The following GUCY1B1 variants were observed in gnomAD, a reference collection of about 807,000 sequenced individuals.
GUCY1B1 encodes the protein guanylate cyclase soluble subunit beta-1.
A neutral mutation model predicts 71.0 loss-of-function variants in GUCY1B1; 43 were observed. The ratio of observed to expected loss-of-function variants is 0.61; its 90% CI spans 0.47 to 0.78. The LOEUF (loss-of-function observed/expected upper bound fraction) is 0.78. Among genes scored for constraint, GUCY1B1 ranks in the 30% least tolerant of loss-of-function variants. GUCY1B1 has a pLI of 0.00. For synonymous variants in GUCY1B1, 266 were observed against 259.7 expected, an observed-to-expected ratio of 1.02 and a Z score of -0.23; for missense variants, 535 against 754.1, an observed-to-expected ratio of 0.71 and a Z score of 3.40.
intron 4 of GUCY1B1, among the ~76,000 whole-genome samples, chr4:155,786,641 T>A (rs535537580): frequency 6.6e-6 from 1 of 150,842 alleles, no homozygotes; most frequent in African/African-American, 2.4e-5. Flanking sequence ...TGCTAATTTC[T>A]TTTTTTTTCT....
chr4:155,789,711 C>G lies in GUCY1B1; in HGVS notation c.298-3C>G. The G allele has an allele frequency of 1.9e-6, 3 of 1,561,998 alleles. No individual in the cohort carries two copies. Among genetic ancestry groups the G allele is most frequent in the Non-Finnish European group, 2.6e-6 (3 of 1,144,434 alleles). The stretch of plus-strand genomic sequence containing the variant: ...ATTGGTCTCCCTTTCTTCTTTGCTG[C>G]AGAACCTTGATGCTCTGCACGACCA... On this transcript the variant is annotated splice_polypyrimidine_tract_variant and splice_region_variant and intron_variant, in intron 4 of 13. Coordinates refer to ENST00000264424, the MANE Select transcript of GUCY1B1 (RefSeq NM_000857.5).
intron 4 of GUCY1B1, among the ~76,000 whole-genome samples, chr4:155,780,770 A>T (rs1177781870): frequency 6.6e-6 from 1 of 152,174 alleles, no homozygotes; most frequent in African/African-American, 2.4e-5. Flanking sequence ...TCATAGATTG[A>T]AATATAAAAG....
intron 4 of GUCY1B1, among the ~76,000 whole-genome samples, chr4:155,779,759 A>G (rs1738289148): frequency 2.0e-5 from 3 of 152,238 alleles, no homozygotes; most frequent in African/African-American, 4.8e-5. Flanking sequence ...AAACAAAATC[A>G]TTAACTTTCA....
chr4:155,804,235 G>T (rs1310067453), intron 11 of GUCY1B1, among the ~76,000 whole-genome samples: 1 of 152,074 alleles, frequency 6.6e-6, no homozygotes, highest in Non-Finnish European at 1.5e-5. Context: ...GTAATATAAA[G>T]TAAGCAAAAA....
In GUCY1B1 at chr4:155,759,843, G is replaced by A; in HGVS notation, c.60G>A (p.Glu20=). Residue 20 remains glutamate (E), a synonymous_variant, in exon 2 of 14, where the codon GAG becomes GAA. Coordinates refer to ENST00000264424, the MANE Select transcript of GUCY1B1 (RefSeq NM_000857.5). ...TGGTGATCCGCAATTACGGCCCCGA[G>A]GTGTGGGAAGACATCAAGTAAGTGG... The part of the protein sequence containing the change: ...ELLVIRNYGP[E]VWEDIKKEAQ... 6.2e-7 allele frequency: 1 copy of A among 1,612,718 alleles called. No individual in the cohort carries two copies. Among genetic ancestry groups the A allele is most frequent in the Non-Finnish European group, 8.5e-7 (1 of 1,179,122 alleles).
intron 2 of GUCY1B1, among the ~76,000 whole-genome samples, chr4:155,772,270 T>C (rs1561005464): frequency 6.6e-6 from 1 of 152,216 alleles, no homozygotes; most frequent in Non-Finnish European, 1.5e-5. Flanking sequence ...TGAGTAGACA[T>C]GGGGAGTGCT....
chr4:155,800,788 G>A lies in GUCY1B1; in HGVS notation c.1175+714G>A, dbSNP rs962669351. Among the ~76,000 whole-genome samples the A allele has an allele frequency of 3.9e-5, 6 of 152,062 alleles. No homozygotes were observed. The South Asian group carries it at 8.3e-4, about 21-fold the overall frequency. On this transcript the variant is annotated intron_variant, in intron 9 of 13. Transcript: ENST00000264424. ...AAACGCACATCACTGACATTTATAA[G>A]CTATTTTACCCAGGTTCTTATGTGT...
At chr4:155,788,629 A>T (rs554194930) in intron 4 of GUCY1B1, among the ~76,000 whole-genome samples, 9 of 152,226 alleles carry the variant, frequency 5.9e-5, no homozygotes, top group Non-Finnish European at 1.0e-4. Flanking sequence ...TTTCAGAGAC[A>T]GTTGTTTTTT....
intron 1 of GUCY1B1, chr4:155,759,449 A>G (rs1268258283): frequency 1.7e-5 from 9 of 520,892 alleles, no homozygotes; most frequent in Middle Eastern, 4.9e-4. Context: ...CGGCCCCACC[A>G]GTGTGGGAGG....
chr4:155,795,404 A>C lies in GUCY1B1; in HGVS notation c.790A>C (p.Ser264Arg). 6.2e-7 allele frequency: 1 copy of C among 1,608,810 alleles called. No homozygotes were observed. Among genetic ancestry groups the C allele is most frequent in the Non-Finnish European group, 8.5e-7 (1 of 1,175,546 alleles). Reference sequence around the variant, plus strand: ...GCTGGTTCGTCCTCATATTGATATTAGTTTCCATGGGATCCTTTCTCACAT... The same window carrying C: ...GCTGGTTCGTCCTCATATTGATATTCGTTTCCATGGGATCCTTTCTCACAT... ...FSLVRPHIDI[S>R]FHGILSHINT... Residue 264 changes from serine to arginine, a missense_variant, in exon 7 of 14, where the codon AGT becomes CGT. Physicochemically the swap from Ser to Arg is moderately radical, Grantham distance 110. Coordinates refer to ENST00000264424, the MANE Select transcript of GUCY1B1 (RefSeq NM_000857.5).
chr4:155,787,915 A>G (rs751434135), intron 4 of GUCY1B1, among the ~76,000 whole-genome samples: 9 of 152,198 alleles, frequency 5.9e-5, no homozygotes, highest in Admixed American at 1.3e-4. Flanking sequence ...ATTTTGGCAT[A>G]TCTCCAGTAC....
At chr4:155,763,780 A>G (rs966319316) in intron 2 of GUCY1B1, among the ~76,000 whole-genome samples, 15 of 152,176 alleles carry the variant, frequency 9.9e-5, no homozygotes, top group African/African-American at 3.6e-4. Flanking sequence ...AAACTTTCCA[A>G]TCCTCCATTG....
At chr4:155,786,461 C>CTTTT (rs70954058) in intron 4 of GUCY1B1, among the ~76,000 whole-genome samples, 210 of 37,154 alleles carry the variant, frequency 5.7e-3, no homozygotes, top group Non-Finnish European at 8.0e-3. Context: ...TTCTTTCTTT[C>CTTTT]TTTTTTTTTT....
intron 2 of GUCY1B1, chr4:155,772,804 G>A: frequency 1.4e-6 from 1 of 702,350 alleles, no homozygotes; most frequent in Non-Finnish European, 2.6e-6. Context: ...CTGAAATGCA[G>A]ATCTCTGTGC....
intron 3 of GUCY1B1, among the ~76,000 whole-genome samples, chr4:155,775,665 C>A (rs1354125706): frequency 1.3e-5 from 2 of 152,174 alleles, no homozygotes; most frequent in African/African-American, 2.4e-5. Context: ...CTTAATGTAA[C>A]AACATCAGTT....
rs540185458 is a variant in GUCY1B1, at chr4:155,782,529, C to T, written c.297+4887C>T. On this transcript the variant is annotated intron_variant, in intron 4 of 13. Transcript: ENST00000264424. ...TTATTTCTACCTTAATCCACGCTCA[C>T]CTCTACTCTCTAATGTCCTATTGCA... Among the ~76,000 whole-genome samples the T allele has an allele frequency of 6.6e-5, 10 of 152,326 alleles. No individual in the cohort carries two copies. The East Asian group carries it at 1.9e-3, about 29-fold the overall frequency.
chr4:155,803,525 G>A (rs1740098524), intron 10 of GUCY1B1, 99 bp from the exon 11 acceptor site: 3 of 773,602 alleles, frequency 3.9e-6, no homozygotes, highest in Non-Finnish European at 5.6e-6. Flanking sequence ...GAAGCTTAAA[G>A]TTGCTGGTAG....
At chr4:155,801,596 C>CAAAAGGCAGGAAGA (rs1224529994) in intron 9 of GUCY1B1, among the ~76,000 whole-genome samples, 3 of 152,076 alleles carry the variant, frequency 2.0e-5, no homozygotes, top group African/African-American at 4.8e-5. Flanking sequence ...TGCTTTAGAG[C>CAAAAGGCAGGAAGA]AAAAGGCAGG....
Position 155,759,158 on chromosome 4 carries a change from C to T in GUCY1B1, c.3+15C>T. The T allele has an allele frequency of 2.5e-6, 4 of 1,576,334 alleles. No homozygotes were observed. The highest frequency in any genetic ancestry group is 1.2e-5 in the South Asian group (1 of 85,908). On this transcript the variant is annotated intron_variant, in intron 1 of 13. Transcript: ENST00000264424. ...CAGACACCATGGTAAGTGCTCTCAGCCGGGTGCGGCCCGAACCTCACCCCT... is the reference window on the plus strand; with the variant it reads ...CAGACACCATGGTAAGTGCTCTCAGTCGGGTGCGGCCCGAACCTCACCCCT...
Sources: gnomAD v4.1 joint callset for allele counts (sites outside exome capture counted in the v4.1 genomes callset) on GRCh38, gnomAD v4.1.1 for gene constraint, MANE v1.5 for transcripts, NCBI Gene and HGNC (gene_info 2026-07-23, HGNC 2026-07-21) for gene names.